The following CSMD1 variants were observed in gnomAD, a reference collection of about 807,000 sequenced individuals.
CSMD1 encodes the protein CUB and Sushi multiple domains 1, also known as CUB and sushi domain-containing protein 1.
Under a neutral mutation model 417.5 loss-of-function variants are expected in CSMD1, and 213 were observed. The ratio of observed to expected loss-of-function variants is 0.51; its 90% CI spans 0.46 to 0.57. CSMD1 has a LOEUF of 0.57. CSMD1 is among the 20% of genes least tolerant of loss of function. CSMD1 has a pLI of 0.00. For missense variants in CSMD1, 6,923 were observed against 4,529.7 expected (o/e 1.53, Z -15.17); for synonymous variants, 2,862 against 1,736.8 (o/e 1.65, Z -16.11).
chr8:3,281,526 C>T (rs1802737609), intron 26 of CSMD1, among the ~76,000 whole-genome samples: 1 of 152,092 alleles, frequency 6.6e-6, no homozygotes, highest in African/African-American at 2.4e-5. Flanking sequence ...ATCCGTACAG[C>T]CATGAAAAGA....
In CSMD1 at chr8:3,729,947, AAAAAAAAAAAAAAACAAAAAC is replaced by A. The variant is rs1802735277; in HGVS notation, c.932-21477_932-21457del. 1.2e-3 allele frequency among the ~76,000 whole-genome samples: 20 copies of A among 16,468 alleles called. 3 individuals carry two copies. Among genetic ancestry groups the A allele is most frequent in the East Asian group, 4.5e-3 (2 of 444 alleles). 10.8% of individuals were successfully genotyped at this position (16,468 alleles called of 152,430 possible). ...TAAAAAAAAAAAAAAAAAAAAAAAA[AAAAAAAAAAAAAAACAAAAAC>A]AGAAGAACGGATACATAATAATGTT... On this transcript the variant is annotated intron_variant, in intron 6 of 69. Coordinates refer to ENST00000635120, the MANE Select transcript of CSMD1 (RefSeq NM_033225.6).
chr8:3,160,226 G>A (rs527385998), intron 38 of CSMD1, among the ~76,000 whole-genome samples: 47 of 152,122 alleles, frequency 3.1e-4, no homozygotes, highest in African/African-American at 1.1e-3. Context: ...TGTTTCAAGC[G>A]ATCCACCCAC....
intron 35 of CSMD1, 48 bp from the exon 36 acceptor site, chr8:3,188,013 A>G (rs1796165563): frequency 6.9e-7 from 1 of 1,444,210 alleles, no homozygotes. Flanking sequence ...GCTTAACACA[A>G]TTAGTCTAAT....
chr8:4,834,780 C>T lies in CSMD1; in HGVS notation c.85+159552G>A, dbSNP rs183389207. 3.3e-3 allele frequency among the ~76,000 whole-genome samples: 501 copies of T among 151,234 alleles called. 3 individuals are homozygous for T. Among genetic ancestry groups the T allele is most frequent in the Middle Eastern group, 0.014 (4 of 294 alleles). ...GACCATCCTGGCTAACACGGTGAAACCCCGTCTCTACTAAAAACACAAAAA... is the reference window on the plus strand; with the variant it reads ...GACCATCCTGGCTAACACGGTGAAATCCCGTCTCTACTAAAAACACAAAAA... On this transcript the variant is annotated intron_variant, in intron 1 of 69. Transcript: ENST00000635120.
chr8:3,531,130 G>C (rs1395235677), intron 10 of CSMD1, among the ~76,000 whole-genome samples: 3 of 151,896 alleles, frequency 2.0e-5, no homozygotes, highest in Non-Finnish European at 1.5e-5. Flanking sequence ...CAAAGTGCTG[G>C]GATTACAGGT....
chr8:3,937,309 G>A (rs1417231225), intron 5 of CSMD1, among the ~76,000 whole-genome samples: 1 of 152,256 alleles, frequency 6.6e-6, no homozygotes, highest in South Asian at 2.1e-4. Flanking sequence ...TAGGTATAAT[G>A]CTTCTTAACC....
chr8:3,557,960 G>A (rs1799229476), intron 10 of CSMD1, among the ~76,000 whole-genome samples: 1 of 152,098 alleles, frequency 6.6e-6, no homozygotes, highest in African/African-American at 2.4e-5. Flanking sequence ...TGGAATGTGT[G>A]CTACTACTCC....
intron 37 of CSMD1, among the ~76,000 whole-genome samples, chr8:3,164,379 C>T (rs995375209): frequency 6.6e-6 from 1 of 152,092 alleles, no homozygotes; most frequent in East Asian, 1.9e-4. Flanking sequence ...TACTTTATTC[C>T]TACCACAGAT....
intron 1 of CSMD1, among the ~76,000 whole-genome samples, chr8:4,989,463 C>T (rs1050063318): frequency 4.6e-5 from 7 of 152,036 alleles, no homozygotes; most frequent in African/African-American, 9.7e-5. Context: ...GGAAGATCTC[C>T]GCCTTTACAC....
intron 6 of CSMD1, among the ~76,000 whole-genome samples, chr8:3,723,963 T>TTTGCAAGTATTTGC (rs1385380424): frequency 2.6e-5 from 3 of 113,960 alleles, no homozygotes; most frequent in African/African-American, 2.5e-5. Flanking sequence ...TTGTTAAGTT[T>TTTGCAAGTATTTGC]AATGTTGTGT....
At chr8:3,531,108 A>G (rs759446544) in intron 10 of CSMD1, among the ~76,000 whole-genome samples, 8 of 150,694 alleles carry the variant, frequency 5.3e-5, no homozygotes, top group Non-Finnish European at 1.2e-4. Flanking sequence ...TGACCTGCCC[A>G]CCTAGGCCTC....
intron 25 of CSMD1, among the ~76,000 whole-genome samples, chr8:3,298,535 C>T (rs1008593828): frequency 3.9e-5 from 6 of 152,162 alleles, no homozygotes; most frequent in Non-Finnish European, 5.9e-5. Flanking sequence ...CTCACTGCAA[C>T]CTCTGCCTCC....
intron 12 of CSMD1, among the ~76,000 whole-genome samples, chr8:3,452,181 TGC>T (rs1407493513): frequency 6.6e-6 from 1 of 152,248 alleles, no homozygotes; most frequent in Non-Finnish European, 1.5e-5. Flanking sequence ...CCTGAGACTT[TGC>T]TAAAGTTGCT....
At chr8:4,405,469 G>C (rs902812874) in intron 3 of CSMD1, among the ~76,000 whole-genome samples, 4 of 152,054 alleles carry the variant, frequency 2.6e-5, no homozygotes, top group African/African-American at 9.7e-5. Flanking sequence ...CTATAGTTGT[G>C]TTTGAAAGAG....
At chr8:4,941,784 G>C (rs1197890472) in intron 1 of CSMD1, among the ~76,000 whole-genome samples, 1 of 151,794 alleles carries the variant, frequency 6.6e-6, no homozygotes, top group Non-Finnish European at 1.5e-5. Context: ...TCTTTTGTAG[G>C]GACAGGGTCT....
At chr8:4,175,874 A>C (rs1056280486) in intron 3 of CSMD1, among the ~76,000 whole-genome samples, 37 of 152,188 alleles carry the variant, frequency 2.4e-4, no homozygotes, top group African/African-American at 8.9e-4. Context: ...CCAAGCGAGT[A>C]ATGGGGTCCA....
intron 4 of CSMD1, among the ~76,000 whole-genome samples, chr8:4,019,735 T>C (rs375859254): frequency 6.6e-6 from 1 of 152,112 alleles, no homozygotes; most frequent in African/African-American, 2.4e-5. Flanking sequence ...AATGTGCCTG[T>C]TGTAGAAGTA....
At chr8:3,699,414 A>C (rs547611735) in intron 7 of CSMD1, among the ~76,000 whole-genome samples, 1 of 152,232 alleles carries the variant, frequency 6.6e-6, no homozygotes, top group Admixed American at 6.5e-5. Flanking sequence ...TAATGGGCAC[A>C]GTTTTCTCTT....
intron 5 of CSMD1, among the ~76,000 whole-genome samples, chr8:3,950,878 C>A (rs972108529): frequency 3.8e-4 from 58 of 152,100 alleles, no homozygotes; most frequent in African/African-American, 1.3e-3. Flanking sequence ...CATTTTATTT[C>A]TCTTTCAAAG....
Sources: allele counts gnomAD v4.1 joint callset (sites outside exome capture counted in the v4.1 genomes callset), GRCh38; gene constraint gnomAD v4.1.1; transcripts MANE v1.5; gene names NCBI Gene and HGNC (gene_info 2026-07-23, HGNC 2026-07-21).